LRRC4C: variants seen among roughly 807,000 people sequenced by gnomAD.
The protein encoded by LRRC4C is leucine-rich repeat-containing protein 4C.
In LRRC4C, 5 loss-of-function variants were observed where a neutral mutation model predicts 33.6. The ratio of observed to expected loss-of-function variants is 0.15; its 90% confidence interval spans 0.08 to 0.31. The LOEUF (loss-of-function observed/expected upper bound fraction) is 0.31, where lower values mean the gene tolerates loss of function less well. Ranked by LOEUF, LRRC4C falls within the 10% of genes least tolerant of loss-of-function variation. The pLI is 1.00. For synonymous variants in LRRC4C, 329 were observed against 302.0 expected, an observed-to-expected ratio of 1.09 and a Z score of -0.93; for missense variants, 560 against 796.7, an observed-to-expected ratio of 0.70 and a Z score of 3.58.
intron 2 of LRRC4C, among the ~76,000 whole-genome samples, chr11:40,888,565 C>A (rs1250503592): frequency 2.0e-5 from 3 of 151,888 alleles, no homozygotes; most frequent in Admixed American, 2.0e-4. Context: ...AAATGTTGTT[C>A]CCTCAAGGAA....
intron 1 of LRRC4C, among the ~76,000 whole-genome samples, chr11:41,058,543 G>A (rs1447359997): frequency 6.6e-6 from 1 of 152,208 alleles, no homozygotes; most frequent in African/African-American, 2.4e-5. Context: ...CTTGGGCAAA[G>A]GTGCCACTGG....
intron 6 of LRRC4C, among the ~76,000 whole-genome samples, chr11:40,136,598 C>A (rs1856997944): frequency 6.6e-6 from 1 of 152,062 alleles, no homozygotes; most frequent in Admixed American, 6.6e-5. Flanking sequence ...CTTTTCTTAC[C>A]TACTCGCTTC....
At chr11:41,412,709 T>C (rs1954534416) in intron 1 of LRRC4C, among the ~76,000 whole-genome samples, 1 of 152,170 alleles carries the variant, frequency 6.6e-6, no homozygotes, top group Non-Finnish European at 1.5e-5. Flanking sequence ...TATGGGGCTA[T>C]TTAGTTTTTA....
At chr11:41,372,264 C>T (rs1236075109) in intron 1 of LRRC4C, among the ~76,000 whole-genome samples, 3 of 152,200 alleles carry the variant, frequency 2.0e-5, no homozygotes, top group Non-Finnish European at 4.4e-5. Context: ...AAAAAGAGAG[C>T]AACTAAGTAA....
At chr11:40,356,135 C>A (rs1947660377) in intron 3 of LRRC4C, among the ~76,000 whole-genome samples, 1 of 152,068 alleles carries the variant, frequency 6.6e-6, no homozygotes, top group Admixed American at 6.6e-5. Context: ...GATGAAAGCA[C>A]CTGCCTCACA....
chr11:41,399,189 T>C (rs545125519), intron 1 of LRRC4C, among the ~76,000 whole-genome samples: 5 of 152,092 alleles, frequency 3.3e-5, no homozygotes, highest in Non-Finnish European at 7.4e-5. Flanking sequence ...ATATTCTTCA[T>C]GGAGTTGATT....
chr11:41,317,173 C>T (rs1950820645), intron 1 of LRRC4C, among the ~76,000 whole-genome samples: 1 of 152,136 alleles, frequency 6.6e-6, no homozygotes. Context: ...TCAGGTCAAC[C>T]TGGGTTCAGT....
At chr11:40,432,737 G>C (rs1411826513) in intron 3 of LRRC4C, among the ~76,000 whole-genome samples, 1 of 151,970 alleles carries the variant, frequency 6.6e-6, no homozygotes, top group Non-Finnish European at 1.5e-5. Flanking sequence ...TTATACTTTG[G>C]TTGATTCAGT....
At chr11:40,398,721 T>C (rs1488376625) in intron 3 of LRRC4C, among the ~76,000 whole-genome samples, 1 of 151,980 alleles carries the variant, frequency 6.6e-6, no homozygotes, top group Non-Finnish European at 1.5e-5. Context: ...ATGAAGACAG[T>C]TGAGAAGCAT....
chr11:40,431,394 C>CAAA (rs572317927), intron 3 of LRRC4C, among the ~76,000 whole-genome samples: 32,690 of 124,944 alleles, frequency 0.26, 5,067 homozygotes, highest in East Asian at 0.43. Context: ...GACTCTGTCT[C>CAAA]AAAAAAAAAA....
intron 2 of LRRC4C, among the ~76,000 whole-genome samples, chr11:40,920,308 T>C (rs979929900): frequency 1.3e-5 from 2 of 152,170 alleles, no homozygotes; most frequent in Non-Finnish European, 2.9e-5. Flanking sequence ...CACACATCTA[T>C]ATTTGTATGC....
intron 2 of LRRC4C, among the ~76,000 whole-genome samples, chr11:40,868,300 G>A (rs1954470301): frequency 6.6e-6 from 1 of 152,126 alleles, no homozygotes; most frequent in African/African-American, 2.4e-5. Flanking sequence ...AATGGCTTAA[G>A]CTTCAACTAC....
At chr11:40,723,920 C>A (rs1448895018) in intron 2 of LRRC4C, among the ~76,000 whole-genome samples, 1 of 151,838 alleles carries the variant, frequency 6.6e-6, no homozygotes, top group African/African-American at 2.4e-5. Context: ...GAAATATCTA[C>A]AATGCAAATG....
chr11:40,507,295 A>T (rs11035877), intron 3 of LRRC4C, among the ~76,000 whole-genome samples: 17,883 of 152,214 alleles, frequency 0.12, 1,127 homozygotes, highest in Middle Eastern at 0.16. Flanking sequence ...AATCCGGAAG[A>T]AAAGTCTAAA....
intron 1 of LRRC4C, among the ~76,000 whole-genome samples, chr11:41,300,277 G>A (rs756783476): frequency 3.9e-5 from 6 of 152,120 alleles, no homozygotes; most frequent in Admixed American, 1.3e-4. Context: ...AAACTTTAAG[G>A]CTGCAACTTG....
intron 1 of LRRC4C, among the ~76,000 whole-genome samples, chr11:41,220,355 A>G (rs1947247736): frequency 6.6e-6 from 1 of 152,160 alleles, no homozygotes; most frequent in South Asian, 2.1e-4. Context: ...ATGCTCTTAA[A>G]CAATATGAAA....
intron 2 of LRRC4C, among the ~76,000 whole-genome samples, chr11:40,755,583 C>A (rs1948910813): frequency 6.6e-6 from 1 of 151,954 alleles, no homozygotes; most frequent in Non-Finnish European, 1.5e-5. Flanking sequence ...TTGGCAATGC[C>A]TGGAGATACA....
chr11:40,425,134 A>T lies in LRRC4C; in HGVS notation c.-269-105413T>A, dbSNP rs553475554. Among the ~76,000 whole-genome samples, 324 of 152,226 alleles carry T rather than the reference A, an allele frequency of 2.1e-3. 3 individuals are homozygous for T. Among genetic ancestry groups the T allele is most frequent in the African/African-American group, 7.4e-3 (308 of 41,542 alleles). ...AAGTCTCATCTTTGTGGGGAAAAAA[A>T]AAAAGAACCCTTATGGTGGGTAGGT... On this transcript the variant is annotated intron_variant, in intron 3 of 6. Transcript: ENST00000528697.
chr11:41,353,801 T>C (rs952070697), intron 1 of LRRC4C, among the ~76,000 whole-genome samples: 3 of 152,002 alleles, frequency 2.0e-5, no homozygotes, highest in Non-Finnish European at 2.9e-5. Context: ...CACATAACTC[T>C]TTCAATAAAA....
Sources: gnomAD v4.1 joint callset for allele counts (sites outside exome capture counted in the v4.1 genomes callset) on GRCh38, gnomAD v4.1.1 for gene constraint, MANE v1.5 for transcripts, NCBI Gene and HGNC (gene_info 2026-07-23, HGNC 2026-07-21) for gene names.